FARS2: variants seen among roughly 807,000 people sequenced by gnomAD.
FARS2 encodes phenylalanyl-tRNA synthetase 2, mitochondrial.
FARS2 carries 40 observed loss-of-function variants against 46.4 expected under a neutral mutation model. The ratio of observed to expected loss-of-function variants is 0.86; its 90% confidence interval spans 0.67 to 1.12. The LOEUF (loss-of-function observed/expected upper bound fraction) is 1.12. FARS2 is among the 50% of genes most tolerant of loss of function. The pLI, the probability that FARS2 is intolerant of heterozygous loss-of-function variation, is 0.00. For synonymous variants in FARS2, 234 were observed against 214.9 expected (o/e 1.09, Z -0.78); for missense variants, 513 against 567.9 (o/e 0.90, Z 0.98).
chr6:5,302,730 G>C (rs1214174296), intron 1 of FARS2, among the ~76,000 whole-genome samples: 3 of 152,186 alleles, frequency 2.0e-5, no homozygotes, highest in Admixed American at 6.5e-5. Flanking sequence ...CTGACTGTGT[G>C]GGGGGCTATA....
intron 2 of FARS2, among the ~76,000 whole-genome samples, chr6:5,385,480 G>GGT (rs1760063178): frequency 6.6e-6 from 1 of 150,646 alleles, no homozygotes; most frequent in South Asian, 2.1e-4. Flanking sequence ...GGAATGCAGT[G>GGT]GCATGACCTC....
chr6:5,479,624 A>G (rs1766328042), intron 4 of FARS2, among the ~76,000 whole-genome samples: 1 of 152,220 alleles, frequency 6.6e-6, no homozygotes, highest in African/African-American at 2.4e-5. Context: ...ACTTCTTATA[A>G]CAAATGCTGT....
At chr6:5,469,200 C>T (rs913919347) in intron 4 of FARS2, among the ~76,000 whole-genome samples, 2 of 152,170 alleles carry the variant, frequency 1.3e-5, no homozygotes, top group African/African-American at 2.4e-5. Flanking sequence ...CCTCCCAGCT[C>T]GCACTTCCTG....
At chr6:5,623,193 A>C (rs1775861197) in intron 6 of FARS2, among the ~76,000 whole-genome samples, 1 of 152,244 alleles carries the variant, frequency 6.6e-6, no homozygotes, top group Non-Finnish European at 1.5e-5. Context: ...GTTTCCAAAA[A>C]ACGAGTTAGC....
At chr6:5,347,397 T>C (rs545045250) in intron 1 of FARS2, among the ~76,000 whole-genome samples, 98 of 152,328 alleles carry the variant, frequency 6.4e-4, no homozygotes, top group African/African-American at 2.4e-3. Context: ...TTATCTGTTA[T>C]TACTTTCCAT....
At chr6:5,761,587 GC>G in intron 6 of FARS2, among the ~76,000 whole-genome samples, 1 of 152,324 alleles carries the variant, frequency 6.6e-6, no homozygotes, top group Non-Finnish European at 1.5e-5. Flanking sequence ...GTTAAAGTTA[GC>G]TCTGTTGACT....
chr6:5,709,551 A>C lies in FARS2; in HGVS notation c.1218-61740A>C, dbSNP rs75286959. Among the ~76,000 whole-genome samples the C allele has an allele frequency of 1.2e-3, 181 of 152,304 alleles. 6 individuals are homozygous for C. The East Asian group carries it at 0.033, about 28-fold the overall frequency. The stretch of plus-strand genomic sequence containing the variant: ...GTAAGGTTCCTGGATTTAAAAAAAA[A>C]ATGGTTTGCACATCTTTAAAGCCTA... On this transcript the variant is annotated intron_variant, in intron 6 of 6. Coordinates refer to ENST00000274680, the MANE Select transcript of FARS2 (RefSeq NM_006567.5).
the FARS2 span, among the ~76,000 whole-genome samples, chr6:5,254,088 T>C: frequency 6.6e-6 from 1 of 152,306 alleles, no homozygotes; most frequent in Non-Finnish European, 1.5e-5. Context: ...AACTGTTTCA[T>C]CTGAGAAGTA....
chr6:5,423,340 A>T (rs1762664928), intron 3 of FARS2, among the ~76,000 whole-genome samples: 1 of 151,978 alleles, frequency 6.6e-6, no homozygotes, highest in Non-Finnish European at 1.5e-5. Context: ...TGAGGGGCCC[A>T]TTAAATTGTG....
chr6:5,693,115 C>T (rs1240712381), intron 6 of FARS2, among the ~76,000 whole-genome samples: 1 of 152,126 alleles, frequency 6.6e-6, no homozygotes, highest in Admixed American at 6.5e-5. Context: ...ATAGTAACAT[C>T]CTGTTAGTTT....
At position 5,311,890 on chromosome 6, in the gene FARS2, A is replaced by G. The variant is rs1581752566; in HGVS notation, c.-22+50230A>G. On this transcript the variant is annotated intron_variant, in intron 1 of 6. Coordinates refer to ENST00000274680, the MANE Select transcript of FARS2 (RefSeq NM_006567.5). The surrounding 1 kb of genome is among the most constrained non-coding windows in gnomAD (Gnocchi z 4.1). ...TTCTGATTCTCATTGATAATAATAT[A>G]TTAATTGTGGCCTCAAGTGAATTTG... Among the ~76,000 whole-genome samples the G allele has an allele frequency of 6.6e-6, 1 of 152,178 alleles. No individual in the cohort carries two copies. Among genetic ancestry groups the G allele is most frequent in the African/African-American group, 2.4e-5 (1 of 41,458 alleles).
chr6:5,694,757 C>G (rs1459198294), intron 6 of FARS2: 1 of 149,528 alleles, frequency 6.7e-6, no homozygotes, highest in African/African-American at 2.5e-5. Flanking sequence ...TAATCCCAGC[C>G]CTTTGGAGGC....
At position 5,431,092 on chromosome 6, in the gene FARS2, T is replaced by C. The variant is rs1763136114; in HGVS notation, c.824T>C (p.Phe275Ser). Residue 275 changes from phenylalanine (F) to serine (S), a missense_variant, in exon 4 of 7, where the codon TTT (phenylalanine) becomes TCT (serine). Physicochemically the swap from Phe to Ser is radical, Grantham distance 155. Coordinates refer to ENST00000274680, the MANE Select transcript of FARS2 (RefSeq NM_006567.5). ...TACTTCCCTTTTACACATCCTTCCT[T>C]TGAGATGGAGATCAACTTTCATGGA... ...DCYFPFTHPS[F>S]EMEINFHGEW... The C allele has an allele frequency of 6.2e-7, 1 of 1,613,806 alleles. No homozygotes were observed. The highest frequency in any genetic ancestry group is 8.5e-7 in the Non-Finnish European group (1 of 1,179,860).
chr6:5,689,750 T>A (rs1356375693), intron 6 of FARS2, among the ~76,000 whole-genome samples: 1 of 152,212 alleles, frequency 6.6e-6, no homozygotes, highest in African/African-American at 2.4e-5. Flanking sequence ...TTCCTGGATA[T>A]GCTTGTTAAC....
chr6:5,674,895 C>T (rs2150817945), intron 6 of FARS2, among the ~76,000 whole-genome samples: 1 of 152,158 alleles, frequency 6.6e-6, no homozygotes, highest in East Asian at 1.9e-4. Context: ...CAAATGAAAC[C>T]ATTGAGACCG....
rs1762696299 is a variant in FARS2 at position 5,765,361 on chromosome 6, ATCTC to A, written c.1218-5927_1218-5924del. 1.3e-5 allele frequency among the ~76,000 whole-genome samples: 2 copies of A among 152,254 alleles called. No individual in the cohort carries two copies. The highest frequency in any genetic ancestry group is 1.3e-4 in the Admixed American group (2 of 15,286). The stretch of plus-strand genomic sequence containing the variant: ...TTTCCAGTTTCAAGAGCCAGGCTGA[ATCTC>A]TCAGAAGGGGAGCTGACGGGCGGCA... On this transcript the variant is annotated intron_variant, in intron 6 of 6. Transcript: ENST00000274680. The surrounding 1 kb of genome is among the most constrained non-coding windows in gnomAD (Gnocchi z 4.0).
At chr6:5,717,349 A>ATGTGTGTGTGTGTG (rs1340235389) in intron 6 of FARS2, among the ~76,000 whole-genome samples, 3 of 91,156 alleles carry the variant, frequency 3.3e-5, no homozygotes, top group African/African-American at 1.5e-4. Context: ...ATAGATATGT[A>ATGTGTGTGTGTGTG]TATGTGTGTG....
chr6:5,570,617 AT>A (rs1772584060), intron 5 of FARS2, among the ~76,000 whole-genome samples: 1 of 152,198 alleles, frequency 6.6e-6, no homozygotes, highest in Admixed American at 6.5e-5. Flanking sequence ...GTATTACGCC[AT>A]TTAGCCTTTT....
intron 4 of FARS2, among the ~76,000 whole-genome samples, chr6:5,472,180 G>A (rs543452591): frequency 6.0e-4 from 91 of 152,318 alleles, no homozygotes; most frequent in Non-Finnish European, 1.2e-3. Flanking sequence ...CTGGGGGCTG[G>A]TGTAGTGGTG....
Sources: allele counts gnomAD v4.1 joint callset (sites outside exome capture counted in the v4.1 genomes callset), GRCh38; gene constraint gnomAD v4.1.1; non-coding constraint Gnocchi (gnomAD v3.1); transcripts MANE v1.5; gene names NCBI Gene and HGNC (gene_info 2026-07-23, HGNC 2026-07-21).